Variants in TEX14 observed in about 807,000 individuals in gnomAD.
TEX14 encodes testis expressed 14, intercellular bridge forming factor, also known as inactive serine/threonine-protein kinase TEX14.
Under a neutral mutation model 178.6 loss-of-function variants are expected in TEX14, and 168 were observed. The ratio of observed to expected loss-of-function variants is 0.94; its 90% CI spans 0.83 to 1.07. The LOEUF (loss-of-function observed/expected upper bound fraction) is 1.07. Ranked by LOEUF, TEX14 falls within the 50% of genes least tolerant of loss-of-function variation. The pLI is 0.00. For missense variants in TEX14, 1,730 were observed against 1,753.6 expected, an observed-to-expected ratio of 0.99 and a Z score of 0.24; for synonymous variants, 626 against 634.1, an observed-to-expected ratio of 0.99 and a Z score of 0.19.
At chr17:58,684,630 CAAAT>C (rs3031764) in intron 1 of TEX14, among the ~76,000 whole-genome samples, 30,295 of 140,082 alleles carry the variant, frequency 0.22, 3,868 homozygotes, top group East Asian at 0.35. Flanking sequence ...GACCCTGTCT[CAAAT>C]AAATAAATAA....
chr17:58,620,054 C>T (rs988375013), intron 5 of TEX14, among the ~76,000 whole-genome samples: 17 of 152,074 alleles, frequency 1.1e-4, no homozygotes, highest in Admixed American at 5.9e-4. Flanking sequence ...AGACACAGCC[C>T]CTGAGCTCTT....
At chr17:58,643,461 C>T (rs1025463178) in intron 2 of TEX14, among the ~76,000 whole-genome samples, 13 of 152,042 alleles carry the variant, frequency 8.6e-5, no homozygotes, top group Admixed American at 8.5e-4. Context: ...CTTTCAACCA[C>T]GTTGCTCAAA....
At chr17:58,661,786 C>T (rs2047117522) in intron 1 of TEX14, 4 of 514,858 alleles carry the variant, frequency 7.8e-6, no homozygotes, top group Admixed American at 7.4e-5. Context: ...AATCGCTGCT[C>T]CACTCCGGGT....
intron 9 of TEX14, among the ~76,000 whole-genome samples, chr17:58,611,599 A>C (rs1223984802): frequency 1.3e-5 from 2 of 152,250 alleles, no homozygotes; most frequent in African/African-American, 4.8e-5. Context: ...GAAAGTTCTC[A>C]AAGTCTGGTA....
At position 58,601,869 on chromosome 17, in the gene TEX14, C is replaced by CTCT; in HGVS notation, c.1614_1615insAGA (p.Leu538_Gly539insArg). 1.2e-6 allele frequency: 2 copies of CTCT among 1,613,294 alleles called. No homozygotes were observed. The highest frequency in any genetic ancestry group is 1.7e-6 in the Non-Finnish European group (2 of 1,179,932). On this transcript the variant is annotated inframe_insertion, in exon 13 of 32. Transcript: ENST00000349033. ...TCTCTGGGGTGTTCTGAAGTCAGTC[C>CTCT]TAGATAGACATTGACATCGGGATGG...
At chr17:58,603,887 CTGTGTGTG>C (rs71143257) in intron 11 of TEX14, among the ~76,000 whole-genome samples, 4,931 of 105,186 alleles carry the variant, frequency 0.047, 174 homozygotes, top group African/African-American at 0.087. Context: ...TGTGATTTTA[CTGTGTGTG>C]TGTGTGTGTG....
Position 58,556,826 on chromosome 17 carries a change from A to T in TEX14, c.*185T>A. On this transcript the variant is annotated 3_prime_UTR_variant, in exon 32 of 32. Transcript: ENST00000349033. ...CTTTTCAGAAATCTGACTGAAAACA[A>T]ATGGTTGAATGTGCTGCTAACAGAG... 3 of 499,132 alleles carry T rather than the reference A, an allele frequency of 6.0e-6. No individual in the cohort carries two copies. The allele number at this position is 499,132 out of a possible 1,614,324, so 30.9% of individuals were successfully genotyped here.
At chr17:58,621,214 C>T (rs1171294541) in intron 5 of TEX14, among the ~76,000 whole-genome samples, 1 of 152,172 alleles carries the variant, frequency 6.6e-6, no homozygotes, top group Non-Finnish European at 1.5e-5. Context: ...GCAAGTCTCT[C>T]GTATCAGCTG....
intron 1 of TEX14, among the ~76,000 whole-genome samples, chr17:58,665,952 G>C (rs1174940321): frequency 1.3e-5 from 2 of 151,854 alleles, no homozygotes; most frequent in East Asian, 1.9e-4. Flanking sequence ...AGGAGGCTGA[G>C]GCAGGAGAAT....
chr17:58,665,633 C>T (rs183843208), intron 1 of TEX14, among the ~76,000 whole-genome samples: 103 of 151,894 alleles, frequency 6.8e-4, no homozygotes, highest in Non-Finnish European at 1.0e-3. Context: ...CAACTCATTG[C>T]GTTTACCTCA....
chr17:58,679,170 A>T (rs1279419176), intron 1 of TEX14, among the ~76,000 whole-genome samples: 1 of 152,130 alleles, frequency 6.6e-6, no homozygotes, highest in East Asian at 1.9e-4. Context: ...AAAGAAAAAA[A>T]ACAGAAGGAC....
At chr17:58,611,646 G>T (rs1690345960) in intron 9 of TEX14, among the ~76,000 whole-genome samples, 1 of 152,222 alleles carries the variant, frequency 6.6e-6, no homozygotes, top group Admixed American at 6.5e-5. Context: ...AACTGACAGG[G>T]GAGGTCCCCC....
chr17:58,654,818 T>C (rs866094099), intron 1 of TEX14, among the ~76,000 whole-genome samples: 5 of 151,876 alleles, frequency 3.3e-5, no homozygotes, highest in Admixed American at 2.6e-4. Flanking sequence ...ATAAACTCCC[T>C]TCTTTCCCAG....
chr17:58,686,117 G>A (rs190360306), intron 1 of TEX14, among the ~76,000 whole-genome samples: 2 of 152,002 alleles, frequency 1.3e-5, no homozygotes, highest in Non-Finnish European at 2.9e-5. Context: ...TTGGGAGGCC[G>A]AGGAGTCCTT....
intron 14 of TEX14, among the ~76,000 whole-genome samples, chr17:58,598,143 C>A (rs1196868906): frequency 6.6e-6 from 1 of 151,854 alleles, no homozygotes; most frequent in East Asian, 1.9e-4. Flanking sequence ...GAAGAAACCC[C>A]ATCTCTATTA....
At chr17:58,566,771 C>G (rs887476529) in intron 26 of TEX14, among the ~76,000 whole-genome samples, 2 of 147,114 alleles carry the variant, frequency 1.4e-5, no homozygotes, top group Non-Finnish European at 3.0e-5. Flanking sequence ...TGCACTCCAG[C>G]CTGGGTGACA....
intron 2 of TEX14, among the ~76,000 whole-genome samples, chr17:58,643,727 C>A (rs930283510): frequency 6.6e-6 from 1 of 151,472 alleles, no homozygotes; most frequent in African/African-American, 2.4e-5. Context: ...CAAAAATTAG[C>A]CAGGTGTGGT....
At chr17:58,691,157 G>GCTTTTTTT (rs2047707524) in intron 1 of TEX14, among the ~76,000 whole-genome samples, 1 of 151,962 alleles carries the variant, frequency 6.6e-6, no homozygotes, top group Non-Finnish European at 1.5e-5. Flanking sequence ...CGCCCGGCCA[G>GCTTTTTTT]CTTTTTTTCT....
chr17:58,627,805 G>A (rs56239392), intron 3 of TEX14, among the ~76,000 whole-genome samples: 8 of 139,852 alleles, frequency 5.7e-5, no homozygotes, highest in Non-Finnish European at 1.1e-4. Flanking sequence ...AAAAACTGAA[G>A]AAAAAAGAAA....
Sources: gnomAD v4.1 joint callset for allele counts (sites outside exome capture counted in the v4.1 genomes callset) on GRCh38, gnomAD v4.1.1 for gene constraint, MANE v1.5 for transcripts, NCBI Gene and HGNC (gene_info 2026-07-23, HGNC 2026-07-21) for gene names.